The following FKBP5 variants were observed in gnomAD, a reference collection of about 807,000 sequenced individuals.
FKBP5 encodes peptidyl-prolyl cis-trans isomerase FKBP5.
Under a neutral mutation model 50.5 loss-of-function variants are expected in FKBP5, and 23 were observed. The observed-to-expected ratio is 0.46, with a 90% CI of 0.33 to 0.65. The LOEUF is 0.65. Among genes scored for constraint, FKBP5 ranks in the 30% least tolerant of loss-of-function variants. FKBP5 has a pLI of 0.02. For synonymous variants in FKBP5, 176 were observed against 190.6 expected (o/e 0.92, Z 0.63); for missense variants, 411 against 553.1 (o/e 0.74, Z 2.58).
At chr6:35,716,619 C>A (rs1023573248) in intron 2 of FKBP5, among the ~76,000 whole-genome samples, 7 of 152,156 alleles carry the variant, frequency 4.6e-5, no homozygotes, top group African/African-American at 1.7e-4. Context: ...CCCAACCCAT[C>A]CCAGGCACAT....
At chr6:35,578,576 G>A (rs1455570893) in intron 9 of FKBP5, among the ~76,000 whole-genome samples, 2 of 151,906 alleles carry the variant, frequency 1.3e-5, no homozygotes, top group East Asian at 1.9e-4. Context: ...GAAACCAGCC[G>A]GGCCAACATG....
At chr6:35,690,501 G>A (rs1765964803), upstream of FKBP5, among the ~76,000 whole-genome samples, 2 of 151,048 alleles carry the variant, frequency 1.3e-5, no homozygotes, top group Non-Finnish European at 3.0e-5. Flanking sequence ...CTGCAGAAAA[G>A]ACAAATAAAG....
intron 2 of FKBP5, among the ~76,000 whole-genome samples, chr6:35,714,510 A>G (rs1434282047): frequency 6.7e-6 from 1 of 149,968 alleles, no homozygotes; most frequent in Non-Finnish European, 1.5e-5. Context: ...CTCAAAATGT[A>G]TTTTCTTCAA....
At position 35,619,182 on chromosome 6, in the gene FKBP5, T is replaced by A. The variant is rs1306729664; in HGVS notation, c.422A>T (p.Asp141Val). ...GATAATGCCTCCATCTTCAAATAAA[T>A]CCTCTCCTTTGAAATCAAGGAGCTC... is the stretch of plus-strand genomic sequence containing the variant. ...EIELLDFKGEDLFEDGGIIRR... is the reference protein window; with the variant it reads ...EIELLDFKGEVLFEDGGIIRR... The change falls in exon 5 of 11, where the codon GAT (aspartate) becomes GTT (valine). Residue 141 changes from aspartate (D) to valine (V), a missense_variant. Physicochemically the swap from Asp to Val is radical, Grantham distance 152 (BLOSUM62 -3). Around this residue, in one of 3 missense-constraint regions of FKBP5, gnomAD observed 267 missense variants for 405.9 expected, o/e 0.66. Transcript: ENST00000357266. The A allele has an allele frequency of 6.2e-7, 1 of 1,613,426 alleles. No individual in the cohort carries two copies.
At chr6:35,668,744 C>T (rs1014565585) in intron 1 of FKBP5, among the ~76,000 whole-genome samples, 1 of 151,964 alleles carries the variant, frequency 6.6e-6, no homozygotes. Flanking sequence ...TGTTAAAATG[C>T]ACAACAATAA....
chr6:35,684,247 C>T (rs1765760944), intron 1 of FKBP5, among the ~76,000 whole-genome samples: 1 of 151,384 alleles, frequency 6.6e-6, no homozygotes, highest in Non-Finnish European at 1.5e-5. Flanking sequence ...GGCTTAATCA[C>T]CGCTCACTGC....
At chr6:35,623,682 A>C (rs558022225) in intron 3 of FKBP5, among the ~76,000 whole-genome samples, 17 of 151,344 alleles carry the variant, frequency 1.1e-4, no homozygotes, top group African/African-American at 4.1e-4. Flanking sequence ...CGGTCCTCCC[A>C]CCTTAGCCTC....
chr6:35,597,067 TCA>T (rs1763001850), intron 6 of FKBP5, among the ~76,000 whole-genome samples, 179 bp downstream of exon 6: 1 of 152,192 alleles, frequency 6.6e-6, no homozygotes, highest in African/African-American at 2.4e-5. Context: ...GTAAACATGC[TCA>T]CAAACCTCTA....
At chr6:35,613,133 T>A (rs1250959595) in intron 5 of FKBP5, among the ~76,000 whole-genome samples, 1 of 152,246 alleles carries the variant, frequency 6.6e-6, no homozygotes, top group Non-Finnish European at 1.5e-5. Flanking sequence ...CACGTATCTA[T>A]AACAACATAT....
At chr6:35,705,244 ATATATATATATATATTTTTT>A (rs1284429627) in intron 2 of FKBP5, among the ~76,000 whole-genome samples, 4 of 4,650 alleles carry the variant, frequency 8.6e-4, no homozygotes, top group East Asian at 7.5e-3. Flanking sequence ...ATATATATAT[ATATATATATATATATTTTTT>A]TTTTTTTTTT....
intron 6 of FKBP5, among the ~76,000 whole-genome samples, chr6:35,591,688 T>C (rs1762826240): frequency 6.6e-6 from 1 of 152,198 alleles, no homozygotes; most frequent in Admixed American, 6.5e-5. Flanking sequence ...AACTTTAAAG[T>C]GCTGTCACTT....
At chr6:35,616,314 CAAAAAAA>C (rs34779549) in intron 5 of FKBP5, among the ~76,000 whole-genome samples, 7 of 57,468 alleles carry the variant, frequency 1.2e-4, no homozygotes, top group African/African-American at 4.5e-4. Context: ...GACTCCATCT[CAAAAAAA>C]AAAAAAAAAA....
intron 1 of FKBP5, among the ~76,000 whole-genome samples, chr6:35,723,461 C>G (rs903845776): frequency 6.6e-6 from 1 of 151,938 alleles, no homozygotes; most frequent in African/African-American, 2.4e-5. Flanking sequence ...ATGGAAGATG[C>G]TTCCTGGGAA....
At position 35,652,669 on chromosome 6, in the gene FKBP5, G is replaced by A. The variant is rs563551553; in HGVS notation, c.-19-9826C>T. Among the ~76,000 whole-genome samples the A allele has an allele frequency of 4.6e-5, 7 of 152,302 alleles. No homozygotes were observed. In the South Asian group the frequency reaches 1.0e-3, roughly 23 times the overall value. On this transcript the variant is annotated intron_variant, in intron 1 of 10. Coordinates refer to ENST00000357266, the MANE Select transcript of FKBP5 (RefSeq NM_004117.4). ...GATGTTATCAATGACAATGGTGCCC[G>A]AAACTTTATTAGCAATTTTAATTTC...
intron 5 of FKBP5, among the ~76,000 whole-genome samples, chr6:35,604,415 T>C (rs1370620702): frequency 6.6e-6 from 1 of 152,248 alleles, no homozygotes; most frequent in Non-Finnish European, 1.5e-5. Context: ...GAATAAACAC[T>C]GGCCACTTTA....
At position 35,601,894 on chromosome 6, in the gene FKBP5, G is replaced by C. The variant is rs1763156182; in HGVS notation, c.509-4490C>G. On this transcript the variant is annotated intron_variant, in intron 5 of 10. Coordinates refer to ENST00000357266, the MANE Select transcript of FKBP5 (RefSeq NM_004117.4). ...GACAACATTTTTTTCTTGACTTAAAGACTATGTAACTTAAAGGGGGAGGGA... is the reference window on the plus strand; with the variant it reads ...GACAACATTTTTTTCTTGACTTAAACACTATGTAACTTAAAGGGGGAGGGA... 2.0e-5 allele frequency among the ~76,000 whole-genome samples: 3 copies of C among 152,064 alleles called. No homozygotes were observed. The South Asian group carries it at 6.2e-4, about 32-fold the overall frequency.
intron 1 of FKBP5, among the ~76,000 whole-genome samples, chr6:35,658,013 G>A (rs866007490): frequency 1.5e-4 from 23 of 149,854 alleles, no homozygotes; most frequent in African/African-American, 4.4e-4. Flanking sequence ...GGCAGATCAC[G>A]AGGTCAGGAG....
chr6:35,701,327 T>A (rs1011018125), intron 2 of FKBP5, among the ~76,000 whole-genome samples: 2 of 148,824 alleles, frequency 1.3e-5, no homozygotes, highest in African/African-American at 2.5e-5. Context: ...CACTGCAAGC[T>A]CCGCCTCCCG....
intron 1 of FKBP5, among the ~76,000 whole-genome samples, chr6:35,646,604 T>C (rs557676847): frequency 1.3e-5 from 2 of 152,366 alleles, no homozygotes; most frequent in South Asian, 4.1e-4. Flanking sequence ...CTAAAAACTG[T>C]AATGACACAC....
Sources: allele counts gnomAD v4.1 joint callset (sites outside exome capture counted in the v4.1 genomes callset), GRCh38; gene constraint gnomAD v4.1.1; regional missense constraint gnomAD v4.1.1; transcripts MANE v1.5; gene names NCBI Gene and HGNC (gene_info 2026-07-23, HGNC 2026-07-21).